Variants in FCF1 observed in about 807,000 individuals in gnomAD.
FCF1 encodes rRNA-processing protein FCF1 homolog.
FCF1 carries 17 observed loss-of-function variants against 32.5 expected under a neutral mutation model. That is an observed-to-expected ratio of 0.52 (90% CI 0.36 to 0.78). FCF1 has a LOEUF of 0.78. Ranked by LOEUF, FCF1 falls within the 30% of genes least tolerant of loss-of-function variation. The pLI is 0.00. For synonymous variants in FCF1, 84 were observed against 78.4 expected (o/e 1.07, Z -0.38); for missense variants, 201 against 241.1 (o/e 0.83, Z 1.10).
intron 4 of FCF1, among the ~76,000 whole-genome samples, chr14:74,718,215 A>G (rs934841072): frequency 6.6e-6 from 1 of 152,116 alleles, no homozygotes; most frequent in African/African-American, 2.4e-5. Context: ...CTTACCTTGA[A>G]AAGGCCTGTT....
intron 1 of FCF1, 112 bp downstream of exon 1, chr14:74,713,312 C>G: frequency 1.2e-6 from 2 of 1,606,234 alleles, no homozygotes; most frequent in Non-Finnish European, 1.7e-6. Context: ...TATTTTCATT[C>G]TGGTCTTAGC....
Position 74,736,226 on chromosome 14 carries a change from T to C in FCF1, c.*1296T>C, listed in dbSNP as rs1193672923. On this transcript the variant is annotated 3_prime_UTR_variant, in exon 8 of 8. Coordinates refer to ENST00000341162, the MANE Select transcript of FCF1 (RefSeq NM_015962.5). ...GAGTTGGAGATGAGCCTGGACAACA[T>C]GGCAAAACCCCACCTCTACTAAAAA... 1.3e-5 allele frequency: 2 copies of C among 152,112 alleles called. No individual in the cohort carries two copies. The highest frequency in any genetic ancestry group is 2.9e-5 in the Non-Finnish European group (2 of 68,090). 9.4% of individuals were successfully genotyped at this position (152,112 alleles called of 1,614,324 possible).
At chr14:74,717,327 G>A (rs556142590) in intron 4 of FCF1, among the ~76,000 whole-genome samples, 7 of 151,806 alleles carry the variant, frequency 4.6e-5, no homozygotes, top group Admixed American at 3.9e-4. Context: ...CTGCACTCCA[G>A]CCTGGCAAGA....
intron 4 of FCF1, among the ~76,000 whole-genome samples, chr14:74,719,079 G>A (rs1425124429): frequency 2.8e-5 from 4 of 144,398 alleles, no homozygotes; most frequent in East Asian, 2.1e-4. Context: ...ACAGTGAGCC[G>A]AGATCGTGCC....
At chr14:74,723,844 G>C (rs1458751829) in intron 5 of FCF1, among the ~76,000 whole-genome samples, 1 of 139,872 alleles carries the variant, frequency 7.1e-6, no homozygotes, top group Non-Finnish European at 1.6e-5. Context: ...AAAAAAAAAA[G>C]AGAAAATACA....
At position 74,738,440 on chromosome 14, in the gene FCF1, T is replaced by G. The variant is rs1359846199; in HGVS notation, c.*3510T>G. On this transcript the variant is annotated 3_prime_UTR_variant, in exon 8 of 8. Coordinates refer to ENST00000341162, the MANE Select transcript of FCF1 (RefSeq NM_015962.5). The stretch of plus-strand genomic sequence containing the variant: ...GTTTGAATATATTAAAATTATAGAT[T>G]TCTGTGCAAGACACTCCCCTCCCCT... The G allele has an allele frequency of 2.0e-5, 3 of 152,198 alleles. No individual in the cohort carries two copies. Among genetic ancestry groups the G allele is most frequent in the Admixed American group, 2.0e-4 (3 of 15,270 alleles). The allele number at this position is 152,198 out of a possible 1,614,324, so 9.4% of individuals were successfully genotyped here.
rs144498669 is a variant in FCF1, at chr14:74,734,994, C to T, written c.*64C>T. Reference sequence around the variant, plus strand: ...ACTTTCTCTTGTTGCCAGTTCATTACACAAAATGTAGCGGGATTTTTAAGG... The same window carrying T: ...ACTTTCTCTTGTTGCCAGTTCATTATACAAAATGTAGCGGGATTTTTAAGG... On this transcript the variant is annotated 3_prime_UTR_variant, in exon 8 of 8. Transcript: ENST00000341162. The T allele has an allele frequency of 1.1e-5, 15 of 1,351,014 alleles. No individual in the cohort carries two copies. In the East Asian group the frequency reaches 3.0e-4, roughly 27 times the overall value. 83.7% of individuals were successfully genotyped at this position (1,351,014 alleles called of 1,614,324 possible).
At position 74,715,827 on chromosome 14, in the gene FCF1, T is replaced by C. The variant is rs2090410784; in HGVS notation, c.144-124T>C. On this transcript the variant is annotated intron_variant, in intron 3 of 7. Transcript: ENST00000341162. ...TCCTTGCCTTCCTTTTTAGGATTTA[T>C]TTCCAATGAACATGGACAAAAGAGT... 1.9e-6 allele frequency: 3 copies of C among 1,601,480 alleles called. No homozygotes were observed. In the East Asian group the frequency reaches 6.7e-5, roughly 36 times the overall value.
chr14:74,735,153 T>C lies in FCF1; in HGVS notation c.*223T>C, dbSNP rs1424717357. On this transcript the variant is annotated 3_prime_UTR_variant, in exon 8 of 8. Transcript: ENST00000341162. ...TAAGCATTTTGTGGGGCCGCGGGGGTTGGGGGGAATCTGTGCAGGGGGAAG... is the reference window on the plus strand; with the variant it reads ...TAAGCATTTTGTGGGGCCGCGGGGGCTGGGGGGAATCTGTGCAGGGGGAAG... The C allele has an allele frequency of 1.4e-5, 6 of 443,142 alleles. No homozygotes were observed. Among genetic ancestry groups the C allele is most frequent in the Admixed American group, 7.5e-5 (2 of 26,674 alleles). The allele number at this position is 443,142 out of a possible 1,614,324, so 27.5% of individuals were successfully genotyped here.
intron 4 of FCF1, among the ~76,000 whole-genome samples, chr14:74,722,496 A>G (rs1023634384): frequency 6.6e-6 from 1 of 152,190 alleles, no homozygotes; most frequent in African/African-American, 2.4e-5. Flanking sequence ...TTCCTCACCT[A>G]TAAAATAGGG....
rs747851512 is a variant in FCF1 at position 74,734,964 on chromosome 14, G to A, written c.*34G>A. ...AGACACAGTTCCTCTGCCTTTCTTC[G>A]ACCAACTTTCTCTTGTTGCCAGTTC... On this transcript the variant is annotated 3_prime_UTR_variant, in exon 8 of 8. Coordinates refer to ENST00000341162, the MANE Select transcript of FCF1 (RefSeq NM_015962.5). 1.0e-5 allele frequency: 16 copies of A among 1,583,378 alleles called. No homozygotes were observed. The highest frequency in any genetic ancestry group is 2.7e-5 in the African/African-American group (2 of 74,324).
chr14:74,719,996 GC>G (rs2090478713), intron 4 of FCF1, among the ~76,000 whole-genome samples: 1 of 152,068 alleles, frequency 6.6e-6, no homozygotes, highest in Non-Finnish European at 1.5e-5. Flanking sequence ...AAAAAAATTA[GC>G]CGGGCGTGGT....
intron 5 of FCF1, among the ~76,000 whole-genome samples, chr14:74,726,256 G>A (rs931514950): frequency 1.3e-5 from 2 of 151,710 alleles, no homozygotes; most frequent in Admixed American, 1.3e-4. Flanking sequence ...GGAGCCCGAA[G>A]CAGGAGGATT....
chr14:74,730,884 A>G (rs1288399106), intron 5 of FCF1, among the ~76,000 whole-genome samples: 2 of 152,130 alleles, frequency 1.3e-5, no homozygotes, highest in African/African-American at 4.8e-5. Context: ...CTGTAATCCC[A>G]GCTACTCAGG....
chr14:74,722,213 TA>T (rs2090513734), intron 4 of FCF1, among the ~76,000 whole-genome samples: 1 of 151,934 alleles, frequency 6.6e-6, no homozygotes, highest in Non-Finnish European at 1.5e-5. Context: ...CATGCCCAGC[TA>T]TTTTTTTTAT....
intron 5 of FCF1, among the ~76,000 whole-genome samples, chr14:74,725,985 G>A (rs186264363): frequency 3.7e-4 from 54 of 147,202 alleles, no homozygotes; most frequent in Admixed American, 3.1e-3. Flanking sequence ...GTGCCTCTAC[G>A]GAGTTCAAGG....
chr14:74,727,211 A>G (rs1012655984), intron 5 of FCF1, among the ~76,000 whole-genome samples: 3 of 152,218 alleles, frequency 2.0e-5, no homozygotes, highest in Non-Finnish European at 4.4e-5. Context: ...GAACTAGTTT[A>G]CAGTCCTGCC....
chr14:74,723,426 G>T, intron 5 of FCF1, 82 bp downstream of exon 5: 1 of 1,042,822 alleles, frequency 9.6e-7, no homozygotes, highest in South Asian at 1.5e-5. Flanking sequence ...TTCTTGGCCA[G>T]TTAGTTGTGA....
chr14:74,732,185 T>C (rs2090647402), intron 5 of FCF1, among the ~76,000 whole-genome samples: 1 of 152,062 alleles, frequency 6.6e-6, no homozygotes, highest in Non-Finnish European at 1.5e-5. Flanking sequence ...TGCCCTGCTT[T>C]GTTTATTCAA....
Sources: allele counts gnomAD v4.1 joint callset (sites outside exome capture counted in the v4.1 genomes callset), GRCh38; gene constraint gnomAD v4.1.1; transcripts MANE v1.5; gene names NCBI Gene and HGNC (gene_info 2026-07-23, HGNC 2026-07-21).